Variants in KCNJ6 observed in about 807,000 individuals in gnomAD.
KCNJ6 encodes potassium inwardly rectifying channel subfamily J member 6, also known as G protein-activated inward rectifier potassium channel 2.
In KCNJ6, 9 loss-of-function variants were observed where a neutral mutation model predicts 34.2. The observed-to-expected ratio is 0.26, with a 90% CI of 0.16 to 0.46. KCNJ6 has a LOEUF of 0.46. KCNJ6 is among the 20% of genes least tolerant of loss of function. The pLI is 1.00. For missense variants in KCNJ6, 236 were observed against 531.3 expected, an observed-to-expected ratio of 0.44 and a Z score of 5.46; for synonymous variants, 196 against 207.1, an observed-to-expected ratio of 0.95 and a Z score of 0.46.
intron 2 of KCNJ6, among the ~76,000 whole-genome samples, chr21:37,738,735 A>G (rs2054925512): frequency 6.6e-6 from 1 of 152,206 alleles, no homozygotes; most frequent in Non-Finnish European, 1.5e-5. Flanking sequence ...GCTGGACCAG[A>G]AGAGATTTGG....
Position 37,616,524 on chromosome 21 carries a change from A to G in KCNJ6, c.*8635T>C, listed in dbSNP as rs1021114264. The G allele has an allele frequency of 2.8e-5, 4 of 145,076 alleles. No homozygotes were observed. Among genetic ancestry groups the G allele is most frequent in the Admixed American group, 7.1e-5 (1 of 14,114 alleles). 9.0% of individuals were successfully genotyped at this position (145,076 alleles called of 1,614,324 possible). ...TGCTCTCGTCAGTTACCGGGCTGAG[A>G]CCATGTATACGCCCAACCATCACTC... On this transcript the variant is annotated 3_prime_UTR_variant, in exon 4 of 4. Coordinates refer to ENST00000609713, the MANE Select transcript of KCNJ6 (RefSeq NM_002240.5).
intron 2 of KCNJ6, among the ~76,000 whole-genome samples, chr21:37,788,786 T>C (rs553572673): frequency 3.9e-5 from 6 of 152,278 alleles, no homozygotes; most frequent in African/African-American, 1.2e-4. Context: ...CCTAGACGCA[T>C]GTGTGAGCCC....
intron 1 of KCNJ6, among the ~76,000 whole-genome samples, chr21:37,853,290 T>C (rs923642940): frequency 6.6e-6 from 1 of 151,900 alleles, no homozygotes; most frequent in Non-Finnish European, 1.5e-5. Flanking sequence ...CAGGGAGAAG[T>C]AGTGCATTAT....
At chr21:37,814,986 C>T (rs1284230254) in intron 2 of KCNJ6, among the ~76,000 whole-genome samples, 1 of 150,744 alleles carries the variant, frequency 6.6e-6, no homozygotes, top group African/African-American at 2.4e-5. Flanking sequence ...AATTGCAGGT[C>T]ATTATGCTAA....
intron 2 of KCNJ6, among the ~76,000 whole-genome samples, chr21:37,772,152 T>C (rs896052682): frequency 2.0e-5 from 3 of 152,224 alleles, no homozygotes; most frequent in African/African-American, 7.2e-5. Context: ...AAATGTTTCA[T>C]AGTAAAAACA....
In KCNJ6 at chr21:37,794,291, A is replaced by C. The variant is rs112106105; in HGVS notation, c.25+46367T>G. ...AATGGGGGCCATGTCTCTGGACCAGACTATCTGAATGGGATTTCTAGATCT... is the reference window on the plus strand; with the variant it reads ...AATGGGGGCCATGTCTCTGGACCAGCCTATCTGAATGGGATTTCTAGATCT... On this transcript the variant is annotated intron_variant, in intron 2 of 3. Transcript: ENST00000609713. Among the ~76,000 whole-genome samples the C allele has an allele frequency of 2.4e-3, 361 of 152,330 alleles. 1 individual carries two copies. Among genetic ancestry groups the C allele is most frequent in the African/African-American group, 7.8e-3 (326 of 41,568 alleles).
At chr21:37,877,852 G>C (rs1264387583) in intron 1 of KCNJ6, among the ~76,000 whole-genome samples, 1 of 152,224 alleles carries the variant, frequency 6.6e-6, no homozygotes, top group Non-Finnish European at 1.5e-5. Context: ...GGTGTATATT[G>C]TCTGTCTCTT....
intron 1 of KCNJ6, among the ~76,000 whole-genome samples, chr21:37,887,570 G>C (rs1208850209): frequency 2.6e-5 from 4 of 152,180 alleles, no homozygotes; most frequent in Non-Finnish European, 5.9e-5. Context: ...CTAAATCTCA[G>C]GAAATGTTAC....
At chr21:37,821,925 G>T (rs139881016) in intron 2 of KCNJ6, among the ~76,000 whole-genome samples, 31 of 152,268 alleles carry the variant, frequency 2.0e-4, no homozygotes, top group Non-Finnish European at 1.3e-4. Context: ...TTATTTTAAA[G>T]ATTTCTTTAG....
rs1199952813 is a variant in KCNJ6 at position 37,675,247 on chromosome 21, G to A, written c.946+38964C>T. Among the ~76,000 whole-genome samples, 1 of 152,206 alleles carries A rather than the reference G, an allele frequency of 6.6e-6. No individual in the cohort carries two copies. Among genetic ancestry groups the A allele is most frequent in the African/African-American group, 2.4e-5 (1 of 41,450 alleles). The stretch of plus-strand genomic sequence containing the variant: ...CCAAAAGTCTTTCCTTTAAGGATCT[G>A]GAGTTAATATGATGGCTGCGTCTCA... On this transcript the variant is annotated intron_variant, in intron 3 of 3. Transcript: ENST00000609713. This position sits in a 1 kb window ranked among gnomAD's most constrained non-coding sequence, Gnocchi z 4.2.
Position 37,810,905 on chromosome 21 carries a change from C to G in KCNJ6, c.25+29753G>C, listed in dbSNP as rs970977294. Among the ~76,000 whole-genome samples the G allele has an allele frequency of 2.6e-5, 4 of 152,020 alleles. No homozygotes were observed. The South Asian group carries it at 8.3e-4, about 32-fold the overall frequency. The stretch of plus-strand genomic sequence containing the variant: ...TGACTATAGTTCCTGACATAGAGTT[C>G]CTAATCCTTGTAATTTCCCGTAATT... On this transcript the variant is annotated intron_variant, in intron 2 of 3. Transcript: ENST00000609713.
At chr21:37,852,821 A>T (rs1430147986) in intron 1 of KCNJ6, among the ~76,000 whole-genome samples, 1 of 152,220 alleles carries the variant, frequency 6.6e-6, no homozygotes, top group Non-Finnish European at 1.5e-5. Context: ...CTCAGCAAAA[A>T]ATCAGCACTT....
At chr21:37,837,971 T>C (rs1241286329) in intron 2 of KCNJ6, among the ~76,000 whole-genome samples, 2 of 152,254 alleles carry the variant, frequency 1.3e-5, no homozygotes, top group African/African-American at 2.4e-5. Flanking sequence ...TCACATCTTA[T>C]ATATTTTATA....
At position 37,757,682 on chromosome 21, in the gene KCNJ6, T is replaced by A. The variant is rs560321354; in HGVS notation, c.26-42551A>T. Among the ~76,000 whole-genome samples, 34 of 150,916 alleles carry A rather than the reference T, an allele frequency of 2.3e-4. No homozygotes were observed. In the South Asian group the frequency reaches 3.6e-3, roughly 16 times the overall value. ...ACAGATTCCAGCCTGGAGAGAGTAC[T>A]CCCTCACAGCATGATGGTTCCAGCC... On this transcript the variant is annotated intron_variant, in intron 2 of 3. Coordinates refer to ENST00000609713, the MANE Select transcript of KCNJ6 (RefSeq NM_002240.5).
chr21:37,817,840 C>T (rs1348480098), intron 2 of KCNJ6, among the ~76,000 whole-genome samples: 3 of 152,132 alleles, frequency 2.0e-5, no homozygotes, highest in Non-Finnish European at 2.9e-5. Flanking sequence ...CAGGTCTGAC[C>T]CACACAGGTA....
chr21:37,813,420 G>A (rs1178806903), intron 2 of KCNJ6, among the ~76,000 whole-genome samples: 4 of 152,084 alleles, frequency 2.6e-5, no homozygotes, highest in Non-Finnish European at 5.9e-5. Flanking sequence ...AATGTATGTG[G>A]AACCAGAAGA....
At chr21:37,648,897 T>C (rs11088402) in intron 3 of KCNJ6, among the ~76,000 whole-genome samples, 48,011 of 151,812 alleles carry the variant, frequency 0.32, 8,018 homozygotes, top group East Asian at 0.46. Flanking sequence ...TTCGGGAGGC[T>C]AAGGCGGGCA....
intron 3 of KCNJ6, among the ~76,000 whole-genome samples, chr21:37,684,677 A>G (rs2054605375): frequency 1.3e-5 from 2 of 152,244 alleles, no homozygotes; most frequent in Non-Finnish European, 2.9e-5. Flanking sequence ...ACAAAGCTGA[A>G]GACCACTTAA....
At position 37,661,614 on chromosome 21, in the gene KCNJ6, G is replaced by GTTCTTTTTTTTTTTT. The variant is rs766622814; in HGVS notation, c.947-36131_947-36130insAAAAAAAAAAAAGAA. On this transcript the variant is annotated intron_variant, in intron 3 of 3. Coordinates refer to ENST00000609713, the MANE Select transcript of KCNJ6 (RefSeq NM_002240.5). ...TCCACCCATTTCCTTAAGAGACATA[G>GTTCTTTTTTTTTTTT]TTTTTTTTTTTTTTTTTTTTTTTTT... Among the ~76,000 whole-genome samples, 24 of 71,198 alleles carry GTTCTTTTTTTTTTTT rather than the reference G, an allele frequency of 3.4e-4. 4 individuals are homozygous for GTTCTTTTTTTTTTTT. Among genetic ancestry groups the GTTCTTTTTTTTTTTT allele is most frequent in the African/African-American group, 6.4e-4 (12 of 18,704 alleles). The allele number at this position is 71,198 out of a possible 152,430, so 46.7% of individuals were successfully genotyped here.
Sources: allele counts gnomAD v4.1 joint callset (sites outside exome capture counted in the v4.1 genomes callset), GRCh38; gene constraint gnomAD v4.1.1; non-coding constraint Gnocchi (gnomAD v3.1); transcripts MANE v1.5; gene names NCBI Gene and HGNC (gene_info 2026-07-23, HGNC 2026-07-21).